The following LINGO2 variants were observed in gnomAD, a reference collection of about 807,000 sequenced individuals.
LINGO2 encodes leucine-rich repeat and immunoglobulin-like domain-containing nogo receptor-interacting protein 2.
LINGO2 carries 14 observed loss-of-function variants against 30.6 expected under a neutral mutation model. The ratio of observed to expected loss-of-function variants is 0.46; its 90% CI spans 0.30 to 0.72. LINGO2 has a LOEUF of 0.72. Ranked by LOEUF, LINGO2 falls within the 30% of genes least tolerant of loss-of-function variation. LINGO2 has a pLI of 0.07. For missense variants in LINGO2, 729 were observed against 751.7 expected, an observed-to-expected ratio of 0.97 and a Z score of 0.35; for synonymous variants, 317 against 288.5, an observed-to-expected ratio of 1.10 and a Z score of -1.00.
the LINGO2 span, among the ~76,000 whole-genome samples, chr9:28,849,975 G>T: frequency 1.3e-5 from 2 of 151,990 alleles, no homozygotes; most frequent in African/African-American, 4.8e-5. Flanking sequence ...CCAGAACCTA[G>T]CACATTCTTC....
At chr9:28,398,961 T>G (rs2134732822) in intron 2 of LINGO2, among the ~76,000 whole-genome samples, 1 of 152,106 alleles carries the variant, frequency 6.6e-6, no homozygotes, top group Admixed American at 6.5e-5. Flanking sequence ...AGTCAAAAAC[T>G]CCATGTAGCA....
intron 3 of LINGO2, among the ~76,000 whole-genome samples, chr9:28,300,818 G>A (rs1417343754): frequency 2.0e-5 from 3 of 151,388 alleles, no homozygotes; most frequent in Admixed American, 6.6e-5. Flanking sequence ...GTCTAGTAGT[G>A]TGAACGGGGA....
chr9:28,715,123 T>G, the LINGO2 span, among the ~76,000 whole-genome samples: 1 of 152,156 alleles, frequency 6.6e-6, no homozygotes, highest in African/African-American at 2.4e-5. Flanking sequence ...AACCCAAGAC[T>G]GCAGAAACAT....
the LINGO2 span, among the ~76,000 whole-genome samples, chr9:29,064,772 A>G: frequency 3.9e-5 from 6 of 152,150 alleles, no homozygotes; most frequent in East Asian, 1.2e-3. Context: ...CTAGGATAGT[A>G]GAAGTGATAC....
In LINGO2 at chr9:28,601,890, A is replaced by T. The variant is rs375318791; in HGVS notation, c.-365+68310T>A. 2.0e-5 allele frequency among the ~76,000 whole-genome samples: 3 copies of T among 152,260 alleles called. No homozygotes were observed. The South Asian group carries it at 6.2e-4, about 32-fold the overall frequency. ...ATATAAAGCTAGTGAAAAAAGGCAG[A>T]TTGAGAGTACCAAAATAACAGCTGG... is the stretch of plus-strand genomic sequence containing the variant. On this transcript the variant is annotated intron_variant, in intron 1 of 5. Transcript: ENST00000379992.
At position 28,208,801 on chromosome 9, in the gene LINGO2, T is replaced by G. The variant is rs181416178; in HGVS notation, c.-87+86407A>C. 2.2e-3 allele frequency among the ~76,000 whole-genome samples: 331 copies of G among 152,122 alleles called. 3 individuals carry two copies. The highest frequency in any genetic ancestry group is 7.6e-3 in the African/African-American group (314 of 41,542). The stretch of plus-strand genomic sequence containing the variant: ...TCTGAGCATTTGGGGGATCTGCACC[T>G]TTAATAAGCTCACCTCACACATGCT... On this transcript the variant is annotated intron_variant, in intron 4 of 5. Transcript: ENST00000379992.
the LINGO2 span, chr9:27,938,035 C>T: frequency 6.6e-6 from 1 of 152,104 alleles, no homozygotes; most frequent in African/African-American, 2.4e-5. Flanking sequence ...AAATGCATCC[C>T]CTTGAAGATA....
rs201922434 is a variant in LINGO2 at position 28,657,851 on chromosome 9, TTGAGA to T, written c.-365+12344_-365+12348del. Among the ~76,000 whole-genome samples the T allele has an allele frequency of 9.0e-3, 1,363 of 152,034 alleles. 19 individuals carry two copies. Among genetic ancestry groups the T allele is most frequent in the African/African-American group, 0.029 (1,197 of 41,526 alleles). On this transcript the variant is annotated intron_variant, in intron 1 of 5. Coordinates refer to ENST00000379992, the Ensembl canonical transcript of LINGO2. ...TGAGATGTAAATTTAGATGGTTGAT[TTGAGA>T]TATTTCTTCCTTCTTATAAATATTT...
chr9:29,002,696 G>A, the LINGO2 span, among the ~76,000 whole-genome samples: 41 of 152,038 alleles, frequency 2.7e-4, no homozygotes, highest in African/African-American at 9.2e-4. Context: ...TATACCCTGC[G>A]ACACCTTGTT....
At chr9:28,543,626 C>A (rs116608502) in intron 1 of LINGO2, among the ~76,000 whole-genome samples, 1 of 152,026 alleles carries the variant, frequency 6.6e-6, no homozygotes, top group Non-Finnish European at 1.5e-5. Context: ...ATAAAAAAAT[C>A]TCCTTACTTT....
chr9:28,684,691 G>C, the LINGO2 span, among the ~76,000 whole-genome samples: 4 of 151,394 alleles, frequency 2.6e-5, no homozygotes, highest in African/African-American at 9.7e-5. Flanking sequence ...GCTAAATTTT[G>C]TATTTTTAGT....
chr9:28,997,822 C>A, the LINGO2 span, among the ~76,000 whole-genome samples: 1 of 147,814 alleles, frequency 6.8e-6, no homozygotes. Flanking sequence ...GACTCTGTCT[C>A]AAAAAAAAAC....
chr9:27,983,333 T>C (rs1233722652), intron 5 of LINGO2, among the ~76,000 whole-genome samples: 2 of 151,824 alleles, frequency 1.3e-5, no homozygotes, highest in Non-Finnish European at 2.9e-5. Flanking sequence ...GACTGGAAGT[T>C]CTCAATCATT....
intron 4 of LINGO2, among the ~76,000 whole-genome samples, chr9:28,156,898 T>C (rs986878584): frequency 3.3e-5 from 5 of 152,128 alleles, no homozygotes; most frequent in Non-Finnish European, 5.9e-5. Flanking sequence ...AAGAGGTGAG[T>C]TTCCATGGTC....
At chr9:28,110,677 C>T in intron 4 of LINGO2, among the ~76,000 whole-genome samples, 1 of 152,078 alleles carries the variant, frequency 6.6e-6, no homozygotes. Context: ...AAATCAAAAA[C>T]ACAATGAGAT....
chr9:28,734,351 T>G, the LINGO2 span, among the ~76,000 whole-genome samples: 1 of 152,138 alleles, frequency 6.6e-6, no homozygotes, highest in African/African-American at 2.4e-5. Flanking sequence ...TTCATCACAC[T>G]ACTCAGAATG....
At chr9:29,136,858 T>A in the LINGO2 span, among the ~76,000 whole-genome samples, 57 of 152,138 alleles carry the variant, frequency 3.7e-4, no homozygotes, top group African/African-American at 1.4e-3. Flanking sequence ...TTAAAATCAT[T>A]TCAAACTCAA....
chr9:29,103,544 T>A, the LINGO2 span, among the ~76,000 whole-genome samples: 1 of 152,028 alleles, frequency 6.6e-6, no homozygotes, highest in African/African-American at 2.4e-5. Flanking sequence ...ATTTCTTTTT[T>A]AAAATGTATA....
chr9:28,169,190 A>G (rs1332561928), intron 4 of LINGO2, among the ~76,000 whole-genome samples: 1 of 152,200 alleles, frequency 6.6e-6, no homozygotes, highest in Non-Finnish European at 1.5e-5. Context: ...TTAACAACTC[A>G]ATTCACTCTC....
Sources: allele counts gnomAD v4.1 joint callset (sites outside exome capture counted in the v4.1 genomes callset), GRCh38; gene constraint gnomAD v4.1.1; transcripts MANE v1.5; gene names NCBI Gene and HGNC (gene_info 2026-07-23, HGNC 2026-07-21).